ANKRD30A: variants seen among roughly 807,000 people sequenced by gnomAD.
ANKRD30A encodes ankyrin repeat domain 30A, also known as ankyrin repeat domain-containing protein 30A.
ANKRD30A carries 170 observed loss-of-function variants against 166.3 expected under a neutral mutation model. The observed-to-expected ratio is 1.02, with a 90% CI of 0.90 to 1.16. The LOEUF (loss-of-function observed/expected upper bound fraction) is 1.16. Among genes scored for constraint, ANKRD30A ranks in the 50% most tolerant of loss-of-function variants. The probability of loss-of-function intolerance (pLI) is 0.00; values close to 1 mark genes in which losing one functional copy is unlikely to be tolerated. For missense variants in ANKRD30A, 1,630 were observed against 1,518.0 expected (o/e 1.07, Z -1.23); for synonymous variants, 564 against 508.9 (o/e 1.11, Z -1.46).
intron 31 of ANKRD30A, among the ~76,000 whole-genome samples, chr10:37,208,480 C>A (rs1468207171): frequency 6.6e-6 from 1 of 152,128 alleles, no homozygotes; most frequent in African/African-American, 2.4e-5. Context: ...CTGTGGTCAC[C>A]ATTTGTTGGC....
At chr10:37,201,140 T>G in intron 30 of ANKRD30A, 95 bp from the exon 31 acceptor site, 2 of 1,044,650 alleles carry the variant, frequency 1.9e-6, no homozygotes, top group Non-Finnish European at 2.7e-6. Flanking sequence ...AAAATAGGAC[T>G]TTTTTTTAAA....
chr10:37,199,632 C>T (rs1841455710), intron 29 of ANKRD30A, 95 bp from the exon 30 acceptor site: 1 of 750,344 alleles, frequency 1.3e-6, no homozygotes, highest in African/African-American at 1.8e-5. Context: ...GAGGAGGAAC[C>T]ACAGATTCGT....
intron 25 of ANKRD30A, among the ~76,000 whole-genome samples, chr10:37,192,434 G>A (rs1374861638): frequency 1.3e-5 from 2 of 151,908 alleles, no homozygotes; most frequent in African/African-American, 4.8e-5. Flanking sequence ...CCCTATGAAT[G>A]TGAAAATACT....
At chr10:37,153,696 C>A (rs1838138611) in intron 13 of ANKRD30A, 34 bp downstream of exon 13, 2 of 1,607,570 alleles carry the variant, frequency 1.2e-6, no homozygotes, top group East Asian at 2.2e-5. Flanking sequence ...AATCAGTTGA[C>A]CGAATATTTC....
At chr10:37,247,775 C>T in the ANKRD30A span, among the ~76,000 whole-genome samples, 138 of 149,344 alleles carry the variant, frequency 9.2e-4, 2 homozygotes, top group Non-Finnish European at 1.8e-3. Flanking sequence ...CCAGCTACTC[C>T]GGAGGCTGAG....
At chr10:37,157,171 G>A (rs1838449147) in intron 13 of ANKRD30A, among the ~76,000 whole-genome samples, 1 of 152,126 alleles carries the variant, frequency 6.6e-6, no homozygotes, top group Non-Finnish European at 1.5e-5. Flanking sequence ...TTGAAGCTAA[G>A]TTTTTTATAA....
intron 13 of ANKRD30A, among the ~76,000 whole-genome samples, chr10:37,155,372 T>C (rs1430413036): frequency 6.6e-6 from 1 of 152,184 alleles, no homozygotes; most frequent in Non-Finnish European, 1.5e-5. Flanking sequence ...TCAATGAATA[T>C]TTATATTTAG....
At chr10:37,157,005 G>C (rs1827955056) in intron 13 of ANKRD30A, among the ~76,000 whole-genome samples, 1 of 152,078 alleles carries the variant, frequency 6.6e-6, no homozygotes, top group South Asian at 2.1e-4. Flanking sequence ...TCTCTCAAGG[G>C]AAACAACATA....
rs773598373 is a variant in ANKRD30A, at chr10:37,158,401, A to T, written c.1808A>T (p.Asn603Ile). Residue 603 changes from asparagine (N) to isoleucine (I), a missense_variant, in exon 14 of 36, where the codon AAT becomes ATT. Coordinates refer to ENST00000361713, the MANE Select transcript of ANKRD30A (RefSeq NM_052997.3). ...KINGKLEESP[N>I]KDGLLKATCG... ...GTCCCTTTTCTTATAGAGTCTCCTA[A>T]TAAAGATGGTCTTCTGAAGGTAATA... 1.7e-5 allele frequency: 27 copies of T among 1,610,210 alleles called. No individual in the cohort carries two copies. The African/African-American group carries it at 2.8e-4, about 17-fold the overall frequency.
chr10:37,248,675 A>G, the ANKRD30A span, among the ~76,000 whole-genome samples: 1 of 151,218 alleles, frequency 6.6e-6, no homozygotes, highest in Non-Finnish European at 1.5e-5. Flanking sequence ...TTGGCTATAT[A>G]GGAACTCAGG....
chr10:37,162,281 G>A (rs919254171), intron 15 of ANKRD30A, among the ~76,000 whole-genome samples: 5 of 152,110 alleles, frequency 3.3e-5, no homozygotes, highest in Non-Finnish European at 5.9e-5. Flanking sequence ...TCCGAAGATA[G>A]GCTATATTAA....
chr10:37,253,819 T>G, the ANKRD30A span, among the ~76,000 whole-genome samples: 2 of 151,936 alleles, frequency 1.3e-5, no homozygotes, highest in Non-Finnish European at 2.9e-5. Context: ...GGATAATTTT[T>G]TTTTGTATTT....
the ANKRD30A span, among the ~76,000 whole-genome samples, chr10:37,260,841 A>C: frequency 1.3e-5 from 2 of 152,176 alleles, no homozygotes; most frequent in African/African-American, 4.8e-5. Context: ...AGTGGGAACT[A>C]AACATTGAGT....
chr10:37,142,293 A>G lies in ANKRD30A; in HGVS notation c.1393+3A>G. On this transcript the variant is annotated splice_donor_region_variant and intron_variant, in intron 7 of 35. Coordinates refer to ENST00000361713, the MANE Select transcript of ANKRD30A (RefSeq NM_052997.3). ...ATCTACAAAAGCAAGTGCCAATGGTAAGATGCTAGAGCGAACTTTGTAAGG... is the reference window on the plus strand; with the variant it reads ...ATCTACAAAAGCAAGTGCCAATGGTGAGATGCTAGAGCGAACTTTGTAAGG... The G allele has an allele frequency of 6.3e-7, 1 of 1,585,682 alleles. No individual in the cohort carries two copies. Among genetic ancestry groups the G allele is most frequent in the Non-Finnish European group, 8.5e-7 (1 of 1,171,276 alleles).
intron 30 of ANKRD30A, among the ~76,000 whole-genome samples, chr10:37,200,144 C>G (rs907203010): frequency 2.0e-5 from 3 of 151,902 alleles, no homozygotes; most frequent in Non-Finnish European, 4.4e-5. Context: ...TCTAGATGTA[C>G]AAAAGTTCTA....
At chr10:37,178,830 C>T (rs1271613332) in intron 24 of ANKRD30A, among the ~76,000 whole-genome samples, 1 of 150,702 alleles carries the variant, frequency 6.6e-6, no homozygotes, top group African/African-American at 2.4e-5. Flanking sequence ...GAGAAGCCAG[C>T]TAGATGATTT....
chr10:37,143,419 G>T lies in ANKRD30A; in HGVS notation c.1393+1129G>T, dbSNP rs74802539. On this transcript the variant is annotated intron_variant, in intron 7 of 35. Transcript: ENST00000361713. ...ACCTGTAATCCCAGCACTTTGGGAG[G>T]CTGAAGCATGCGGATCACCAGGTCA... Among the ~76,000 whole-genome samples, 126 of 152,278 alleles carry T rather than the reference G, an allele frequency of 8.3e-4. 3 individuals are homozygous for T. The East Asian group carries it at 0.022, about 26-fold the overall frequency.
At chr10:37,179,051 TATATATATATATAG>T (rs1396386713) in intron 24 of ANKRD30A, among the ~76,000 whole-genome samples, 30 of 140,838 alleles carry the variant, frequency 2.1e-4, no homozygotes, top group African/African-American at 7.5e-4. Flanking sequence ...TATATATATA[TATATATATATATAG>T]ATGTGTGCAT....
chr10:37,131,016 TG>T (rs1264721862), intron 3 of ANKRD30A, among the ~76,000 whole-genome samples: 2 of 152,160 alleles, frequency 1.3e-5, no homozygotes, highest in Non-Finnish European at 2.9e-5. Context: ...TCATTAATAA[TG>T]GGGTTGACTT....
Sources: allele counts gnomAD v4.1 joint callset (sites outside exome capture counted in the v4.1 genomes callset), GRCh38; gene constraint gnomAD v4.1.1; transcripts MANE v1.5; gene names NCBI Gene and HGNC (gene_info 2026-07-23, HGNC 2026-07-21).